CSGALNACT1: variants seen among roughly 807,000 people sequenced by gnomAD.
The protein encoded by CSGALNACT1 is beta4GalNAcT-1.
CSGALNACT1 carries 52 observed loss-of-function variants against 51.0 expected under a neutral mutation model. The ratio of observed to expected loss-of-function variants is 1.02; its 90% CI spans 0.82 to 1.29. The LOEUF (loss-of-function observed/expected upper bound fraction) is 1.29. Ranked by LOEUF, CSGALNACT1 falls within the 50% of genes most tolerant of loss-of-function variation. CSGALNACT1 has a pLI of 0.00. For synonymous variants in CSGALNACT1, 341 were observed against 254.4 expected, an observed-to-expected ratio of 1.34 and a Z score of -3.24; for missense variants, 935 against 679.2, an observed-to-expected ratio of 1.38 and a Z score of -4.19.
At chr8:19,456,207 G>T (rs2064052509) in intron 5 of CSGALNACT1, among the ~76,000 whole-genome samples, 1 of 152,154 alleles carries the variant, frequency 6.6e-6, no homozygotes, top group Non-Finnish European at 1.5e-5. Context: ...TGACACTAAG[G>T]AAATAGCTGT....
chr8:19,632,746 T>C (rs926764184), intron 1 of CSGALNACT1, among the ~76,000 whole-genome samples: 11 of 151,950 alleles, frequency 7.2e-5, no homozygotes, highest in African/African-American at 2.7e-4. Context: ...GCAGAGTGAG[T>C]ACATTCTGCT....
intron 3 of CSGALNACT1, among the ~76,000 whole-genome samples, chr8:19,532,171 T>TA (rs113232417): frequency 0.27 from 39,788 of 147,726 alleles, 6,096 homozygotes; most frequent in African/African-American, 0.44. Context: ...TTTTGGAAAT[T>TA]AAAAAAAAAA....
At chr8:19,416,080 A>G (rs918483063) in intron 8 of CSGALNACT1, among the ~76,000 whole-genome samples, 1 of 151,180 alleles carries the variant, frequency 6.6e-6, no homozygotes, top group Non-Finnish European at 1.5e-5. Context: ...CAGGAAGGCA[A>G]GGTTAACTTA....
chr8:19,538,465 T>C (rs1327024743), intron 3 of CSGALNACT1, among the ~76,000 whole-genome samples: 1 of 152,156 alleles, frequency 6.6e-6, no homozygotes, highest in Non-Finnish European at 1.5e-5. Context: ...AGGCAAAAGA[T>C]ACTTGTAATT....
chr8:19,513,308 G>A (rs990206583), intron 3 of CSGALNACT1, among the ~76,000 whole-genome samples: 1 of 151,292 alleles, frequency 6.6e-6, no homozygotes, highest in African/African-American at 2.4e-5. Flanking sequence ...GGAAAATACC[G>A]CAAAATGTAA....
intron 3 of CSGALNACT1, among the ~76,000 whole-genome samples, chr8:19,556,862 T>C (rs1564033316): frequency 2.0e-5 from 3 of 151,930 alleles, no homozygotes; most frequent in South Asian, 4.1e-4. Context: ...TAAACTAAAA[T>C]TGAACCCGGT....
chr8:19,490,852 C>T (rs1038898352), intron 4 of CSGALNACT1, among the ~76,000 whole-genome samples: 1 of 152,220 alleles, frequency 6.6e-6, no homozygotes, highest in Non-Finnish European at 1.5e-5. Flanking sequence ...TTTCTGGATT[C>T]TCCAGGTGAT....
chr8:19,691,735 A>G (rs1235333732), intron 1 of CSGALNACT1, among the ~76,000 whole-genome samples: 1 of 152,152 alleles, frequency 6.6e-6, no homozygotes, highest in East Asian at 1.9e-4. Flanking sequence ...CTGCTGTAAG[A>G]TGGAGCTAAC....
chr8:19,450,117 G>A (rs2062850570), intron 5 of CSGALNACT1, among the ~76,000 whole-genome samples: 1 of 106,672 alleles, frequency 9.4e-6, no homozygotes, highest in Non-Finnish European at 2.0e-5. Context: ...GGGAAGAGGA[G>A]GGAGAAGAGG....
intron 3 of CSGALNACT1, among the ~76,000 whole-genome samples, chr8:19,565,755 C>T (rs1428754457): frequency 6.6e-6 from 1 of 152,106 alleles, no homozygotes; most frequent in Admixed American, 6.5e-5. Flanking sequence ...GCTGTCTCTA[C>T]TAAAAATGCA....
intron 3 of CSGALNACT1, among the ~76,000 whole-genome samples, chr8:19,547,698 C>T (rs936601354): frequency 5.3e-5 from 8 of 152,042 alleles, no homozygotes; most frequent in African/African-American, 9.7e-5. Context: ...AGACTAATAC[C>T]GTAGAATACA....
intron 4 of CSGALNACT1, among the ~76,000 whole-genome samples, chr8:19,466,475 G>A (rs966442636): frequency 6.6e-6 from 1 of 152,052 alleles, no homozygotes; most frequent in Non-Finnish European, 1.5e-5. Context: ...AAAAGGAACC[G>A]GTAAATGCTT....
upstream of CSGALNACT1, among the ~76,000 whole-genome samples, chr8:19,603,650 A>G (rs2050910253): frequency 6.6e-6 from 1 of 152,168 alleles, no homozygotes; most frequent in Admixed American, 6.5e-5. Context: ...TTGGCTTCCA[A>G]TCCATCTCAC....
intron 4 of CSGALNACT1, among the ~76,000 whole-genome samples, chr8:19,468,533 G>C (rs1306762893): frequency 6.6e-6 from 1 of 152,106 alleles, no homozygotes; most frequent in Admixed American, 6.6e-5. Context: ...TGGGGCGCAG[G>C]TGGATGATGG....
At chr8:19,430,800 A>G (rs2059541274) in intron 6 of CSGALNACT1, among the ~76,000 whole-genome samples, 1 of 152,172 alleles carries the variant, frequency 6.6e-6, no homozygotes, top group African/African-American at 2.4e-5. Context: ...CTGTCATTTG[A>G]AGAATATTAA....
chr8:19,607,613 C>A (rs2051575302), intron 1 of CSGALNACT1, among the ~76,000 whole-genome samples: 1 of 152,210 alleles, frequency 6.6e-6, no homozygotes, highest in Non-Finnish European at 1.5e-5. Flanking sequence ...AGCTGCTCAG[C>A]TGGTGCTAGA....
At chr8:19,566,426 A>C (rs753668591) in intron 3 of CSGALNACT1, among the ~76,000 whole-genome samples, 41 of 152,230 alleles carry the variant, frequency 2.7e-4, no homozygotes, top group Non-Finnish European at 1.0e-4. Flanking sequence ...TTTTGTTAAA[A>C]CCATAAGGTT....
intron 1 of CSGALNACT1, among the ~76,000 whole-genome samples, chr8:19,633,858 G>A (rs1375225133): frequency 6.6e-6 from 1 of 152,092 alleles, no homozygotes; most frequent in Non-Finnish European, 1.5e-5. Context: ...GACAACTGGT[G>A]GCATGCCAAA....
At chr8:19,568,390 G>GA (rs1187888953) in intron 3 of CSGALNACT1, among the ~76,000 whole-genome samples, 1 of 152,070 alleles carries the variant, frequency 6.6e-6, no homozygotes, top group African/African-American at 2.4e-5. Flanking sequence ...AATCTTATGG[G>GA]ACCACCATCA....
Sources: allele counts gnomAD v4.1 joint callset (sites outside exome capture counted in the v4.1 genomes callset), GRCh38; gene constraint gnomAD v4.1.1; transcripts MANE v1.5; gene names NCBI Gene and HGNC (gene_info 2026-07-23, HGNC 2026-07-21).